The following OR56A3 variants were observed in gnomAD, a reference collection of about 807,000 sequenced individuals.
The protein encoded by OR56A3 is olfactory receptor family 56 subfamily A member 3, also known as olfactory receptor 56A3.
OR56A3 carries 23 observed loss-of-function variants against 17.5 expected under a neutral mutation model. That is an observed-to-expected ratio of 1.32 (90% CI 0.95 to 1.87). The LOEUF is 1.87. Among genes scored for constraint, OR56A3 ranks in the 40% most tolerant of loss-of-function variants. The pLI is 0.00. For missense variants in OR56A3, 366 were observed against 380.1 expected, an observed-to-expected ratio of 0.96 and a Z score of 0.31; for synonymous variants, 175 against 150.6, an observed-to-expected ratio of 1.16 and a Z score of -1.19.
chr11:5,965,330 T>C, the OR56A3 span, among the ~76,000 whole-genome samples: 1 of 152,226 alleles, frequency 6.6e-6, no homozygotes, highest in Admixed American at 6.5e-5. Flanking sequence ...ATTACTCTTC[T>C]TAAATGAGAA....
the OR56A3 span, chr11:5,968,478 T>C: frequency 6.4e-7 from 1 of 1,554,498 alleles, no homozygotes; most frequent in Non-Finnish European, 8.7e-7. Flanking sequence ...AGTGGAGTTG[T>C]TGCTGGGTAA....
chr11:6,008,053 A>G, the OR56A3 span, among the ~76,000 whole-genome samples: 1 of 152,326 alleles, frequency 6.6e-6, no homozygotes, highest in South Asian at 2.1e-4. Context: ...GCTTCCTTGA[A>G]AAAACAAATG....
chr11:5,991,831 G>T, the OR56A3 span, among the ~76,000 whole-genome samples: 1 of 152,126 alleles, frequency 6.6e-6, no homozygotes, highest in African/African-American at 2.4e-5. Flanking sequence ...GCACCACTGG[G>T]CAAGCAGGAT....
At chr11:5,965,037 A>G in the OR56A3 span, among the ~76,000 whole-genome samples, 3 of 152,170 alleles carry the variant, frequency 2.0e-5, no homozygotes, top group Non-Finnish European at 4.4e-5. Flanking sequence ...TGCATGGATA[A>G]TTGTTCAAAT....
the OR56A3 span, chr11:6,001,508 A>C: frequency 6.6e-6 from 1 of 152,554 alleles, no homozygotes; most frequent in Non-Finnish European, 1.5e-5. Context: ...AGTGAATAGC[A>C]CATCTGCCTC....
rs763194456 is a variant in OR56A3, at chr11:5,948,055, G to T, written c.709G>T (p.Ala237Ser). 7 of 1,614,234 alleles carry T rather than the reference G, an allele frequency of 4.3e-6. No individual in the cohort carries two copies. Among genetic ancestry groups the T allele is most frequent in the Non-Finnish European group, 5.9e-6 (7 of 1,180,042 alleles). Residue 237 changes from alanine to serine, a missense_variant, in exon 3 of 3, where the codon GCC (alanine) becomes TCC (serine). Physicochemically the swap from Ala to Ser is moderately conservative, Grantham distance 99. Coordinates refer to ENST00000641160, the MANE Select transcript of OR56A3 (RefSeq NM_001003443.3). Reference protein sequence around the residue: ...RAVLRLKAEGAVAKALSTCGS... With the variant: ...RAVLRLKAEGSVAKALSTCGS... ...TGTGCTGAGACTCAAGGCAGAGGGT[G>T]CCGTGGCAAAGGCCCTAAGCACATG...
At chr11:6,020,892 T>C in the OR56A3 span, 2 of 152,040 alleles carry the variant, frequency 1.3e-5, no homozygotes, top group Non-Finnish European at 2.9e-5. Flanking sequence ...GCCAGTTTTA[T>C]AGGGGAATGC....
chr11:5,953,984 C>T (rs1466088201), downstream of OR56A3, among the ~76,000 whole-genome samples: 2 of 152,022 alleles, frequency 1.3e-5, no homozygotes, highest in African/African-American at 4.8e-5. Context: ...GTGAATTAAA[C>T]ACAGTCCTGG....
chr11:6,016,461 A>C, the OR56A3 span, among the ~76,000 whole-genome samples: 1 of 152,218 alleles, frequency 6.6e-6, no homozygotes, highest in Non-Finnish European at 1.5e-5. Flanking sequence ...TCAAAGCTAA[A>C]GTGCCCTACC....
At chr11:5,987,090 A>T in the OR56A3 span, 4 of 656,074 alleles carry the variant, frequency 6.1e-6, no homozygotes, top group Non-Finnish European at 2.6e-6. Flanking sequence ...TGAGACATCC[A>T]CATGTCTGAA....
the OR56A3 span, among the ~76,000 whole-genome samples, chr11:5,990,619 A>G: frequency 1.2e-4 from 18 of 145,720 alleles, no homozygotes; most frequent in African/African-American, 5.1e-4. Context: ...ATAATAGGGT[A>G]AAAAAGAAGA....
chr11:6,007,442 G>A, the OR56A3 span, among the ~76,000 whole-genome samples: 5 of 152,160 alleles, frequency 3.3e-5, no homozygotes, highest in African/African-American at 1.2e-4. Context: ...TAAGACAATA[G>A]ATCTTAAGAC....
At chr11:5,947,224 A>G in intron 2 of OR56A3, 87 bp from the exon 3 acceptor site, 1 of 915,050 alleles carries the variant, frequency 1.1e-6, no homozygotes, top group East Asian at 2.7e-5. Context: ...AACCTGCTAG[A>G]AACCACAAGT....
the OR56A3 span, chr11:5,995,070 G>A: frequency 6.5e-6 from 4 of 611,398 alleles, no homozygotes; most frequent in Non-Finnish European, 1.2e-5. Context: ...TGGCCGCACT[G>A]CTGACTGGCC....
Position 5,947,397 on chromosome 11 carries a change from CTTGAA to C in OR56A3, c.55_59del (p.Asn19PhefsTer72), listed in dbSNP as rs769238924. The C allele has an allele frequency of 5.6e-6, 9 of 1,613,810 alleles. No homozygotes were observed. The highest frequency in any genetic ancestry group is 7.6e-6 in the Non-Finnish European group (9 of 1,179,904). ...TCTCCACTGAAGCTTCAGACTTCCT[CTTGAA>C]TTGTTTTGTCAGATCCCCCAGCTGG... On this transcript the variant is annotated frameshift_variant, in exon 3 of 3. Coordinates refer to ENST00000641160, the MANE Select transcript of OR56A3 (RefSeq NM_001003443.3). LOFTEE classifies it high-confidence loss of function.
the OR56A3 span, among the ~76,000 whole-genome samples, chr11:5,992,693 C>G: frequency 0.85 from 129,797 of 152,090 alleles, 55,665 homozygotes; most frequent in South Asian, 0.93. Context: ...TCCATCCCAG[C>G]AAGTTCCCAA....
chr11:5,974,231 C>T, the OR56A3 span, among the ~76,000 whole-genome samples: 9 of 151,998 alleles, frequency 5.9e-5, no homozygotes, highest in African/African-American at 1.5e-4. Context: ...CTCAGCCTCC[C>T]GAGTAGCTGG....
chr11:5,970,493 A>G, the OR56A3 span, among the ~76,000 whole-genome samples: 1 of 152,220 alleles, frequency 6.6e-6, no homozygotes, highest in Non-Finnish European at 1.5e-5. Context: ...CAGGACTGGA[A>G]TGAATGGACA....
At chr11:5,994,577 C>T in the OR56A3 span, 4 of 904,186 alleles carry the variant, frequency 4.4e-6, no homozygotes, top group Non-Finnish European at 3.6e-6. Flanking sequence ...CAGCTGCAGC[C>T]GAGTGACATT....
Sources: gnomAD v4.1 joint callset for allele counts (sites outside exome capture counted in the v4.1 genomes callset) on GRCh38, gnomAD v4.1.1 for gene constraint, MANE v1.5 for transcripts, NCBI Gene and HGNC (gene_info 2026-07-23, HGNC 2026-07-21) for gene names.